ZFHX3: variants seen among roughly 807,000 people sequenced by gnomAD.
ZFHX3 encodes the protein zinc finger homeobox 3.
Under a neutral mutation model 279.1 loss-of-function variants are expected in ZFHX3, and 42 were observed. The ratio of observed to expected loss-of-function variants is 0.15; its 90% CI spans 0.12 to 0.19. The LOEUF (loss-of-function observed/expected upper bound fraction) is 0.19. Among genes scored for constraint, ZFHX3 ranks in the 10% least tolerant of loss-of-function variants. ZFHX3 has a pLI of 1.00. For synonymous variants in ZFHX3, 2,293 were observed against 1,957.8 expected (o/e 1.17, Z -4.52); for missense variants, 4,981 against 4,754.0 (o/e 1.05, Z -1.40).
chr16:72,884,879 AT>A (rs2038584239), intron 4 of ZFHX3, among the ~76,000 whole-genome samples: 1 of 152,236 alleles, frequency 6.6e-6, no homozygotes, highest in Non-Finnish European at 1.5e-5. Flanking sequence ...GGCCCAGTGC[AT>A]TGGCCAGTGA....
At chr16:73,014,062 G>C (rs1338633560) in intron 1 of ZFHX3, among the ~76,000 whole-genome samples, 1 of 152,202 alleles carries the variant, frequency 6.6e-6, no homozygotes, top group Non-Finnish European at 1.5e-5. Context: ...GGGCAAAGGA[G>C]AGGACAGAGT....
intron 1 of ZFHX3, among the ~76,000 whole-genome samples, chr16:73,743,512 A>C (rs1220777915): frequency 1.3e-5 from 2 of 152,246 alleles, no homozygotes; most frequent in Non-Finnish European, 2.9e-5. Flanking sequence ...ATATGCTACC[A>C]GATAAGAATT....
chr16:73,384,959 G>A (rs779602891), intron 3 of ZFHX3, among the ~76,000 whole-genome samples: 4 of 152,172 alleles, frequency 2.6e-5, no homozygotes, highest in Non-Finnish European at 5.9e-5. Flanking sequence ...GGGTTCCCAT[G>A]GGACTTTTGC....
At chr16:73,808,519 T>C (rs1046964979) in intron 1 of ZFHX3, 12 of 152,070 alleles carry the variant, frequency 7.9e-5, no homozygotes, top group East Asian at 1.9e-4. Context: ...AGGCAAGAAA[T>C]AGATACCCAG....
intron 2 of ZFHX3, chr16:73,483,569 C>A: frequency 2.9e-6 from 1 of 347,910 alleles, no homozygotes. Context: ...CAGCTGCCTA[C>A]AAGGGCCTAC....
intron 2 of ZFHX3, among the ~76,000 whole-genome samples, chr16:73,642,040 C>T (rs1432375129): frequency 6.6e-6 from 1 of 152,030 alleles, no homozygotes; most frequent in African/African-American, 2.4e-5. Context: ...GGGACGCTTC[C>T]ACCAAATTTG....
intron 8 of ZFHX3, among the ~76,000 whole-genome samples, chr16:73,083,112 A>C (rs539676547): frequency 6.6e-6 from 1 of 151,948 alleles, no homozygotes; most frequent in East Asian, 1.9e-4. Context: ...CTAAGGCAGG[A>C]GGATCACTTG....
intron 2 of ZFHX3, among the ~76,000 whole-genome samples, chr16:73,658,055 A>G (rs1037491657): frequency 1.3e-5 from 2 of 152,256 alleles, no homozygotes; most frequent in African/African-American, 4.8e-5. Flanking sequence ...ATGCTGTGAA[A>G]TAAATTTCTA....
intron 1 of ZFHX3, among the ~76,000 whole-genome samples, chr16:73,715,617 G>A (rs1218067522): frequency 7.3e-6 from 1 of 136,198 alleles, no homozygotes; most frequent in Non-Finnish European, 1.5e-5. Context: ...ATGTTGCCCA[G>A]GCTGGAATGC....
intron 1 of ZFHX3, among the ~76,000 whole-genome samples, chr16:73,823,970 G>A (rs959104480): frequency 6.6e-6 from 1 of 152,134 alleles, no homozygotes; most frequent in Non-Finnish European, 1.5e-5. Context: ...GGCATATTTT[G>A]CTTCACGGAA....
intron 1 of ZFHX3, chr16:73,796,514 T>C (rs1208555631): frequency 4.6e-5 from 7 of 152,194 alleles, no homozygotes; most frequent in African/African-American, 1.7e-4. Context: ...ACATGTCATG[T>C]CAGAAGAGAA....
chr16:73,078,786 A>T (rs892186927), intron 8 of ZFHX3, among the ~76,000 whole-genome samples: 1 of 151,968 alleles, frequency 6.6e-6, no homozygotes, highest in African/African-American at 2.4e-5. Flanking sequence ...CTGGGACTAC[A>T]GGCGTCCGCC....
At chr16:73,489,988 C>A (rs2019032583) in intron 2 of ZFHX3, among the ~76,000 whole-genome samples, 1 of 152,082 alleles carries the variant, frequency 6.6e-6, no homozygotes, top group Non-Finnish European at 1.5e-5. Flanking sequence ...TGAAAAACAT[C>A]AAATCAAGTG....
At chr16:73,622,720 G>A (rs1254583386) in intron 2 of ZFHX3, among the ~76,000 whole-genome samples, 1 of 151,936 alleles carries the variant, frequency 6.6e-6, no homozygotes, top group Non-Finnish European at 1.5e-5. Flanking sequence ...CTCTGGTATC[G>A]CCCCCCCAAC....
chr16:73,372,400 T>A (rs1205357034), intron 3 of ZFHX3, among the ~76,000 whole-genome samples: 2 of 152,190 alleles, frequency 1.3e-5, no homozygotes, highest in Admixed American at 6.5e-5. Context: ...TACTACTAAT[T>A]ACGCAAGTCA....
intron 3 of ZFHX3, among the ~76,000 whole-genome samples, chr16:72,917,828 T>C (rs951097389): frequency 1.3e-5 from 2 of 152,202 alleles, no homozygotes; most frequent in Admixed American, 1.3e-4. Flanking sequence ...TGAAGCACTT[T>C]TGAACTCAAA....
At chr16:73,129,879 C>T (rs1181063571) in intron 7 of ZFHX3, among the ~76,000 whole-genome samples, 1 of 151,970 alleles carries the variant, frequency 6.6e-6, no homozygotes, top group Non-Finnish European at 1.5e-5. Flanking sequence ...TTTAGGTAGT[C>T]GACTTAATAT....
Position 72,959,263 on chromosome 16 carries a change from G to C in ZFHX3, c.883C>G (p.Arg295Gly), listed in dbSNP as rs778603718. 2 of 1,614,210 alleles carry C rather than the reference G, an allele frequency of 1.2e-6. No individual in the cohort carries two copies. Among genetic ancestry groups the C allele is most frequent in the Non-Finnish European group, 1.7e-6 (2 of 1,180,036 alleles). Residue 295 changes from arginine (R) to glycine (G), a missense_variant, in exon 2 of 10, where the codon CGT becomes GGT. Physicochemically the swap from Arg to Gly is moderately radical, Grantham distance 125. Transcript: ENST00000268489. Reference protein sequence around the residue: ...FLCKLSFGYVRSFVTHAVHDH... With the variant: ...FLCKLSFGYVGSFVTHAVHDH... ...TGCACCGCGTGGGTCACAAACGAAC[G>C]GACGTACCCAAAGGAGAGTTTGCAC...
At position 72,786,933 on chromosome 16, in the gene ZFHX3, GCTT is replaced by G. The variant is rs1004915985; in HGVS notation, c.*228_*230del. On this transcript the variant is annotated 3_prime_UTR_variant, in exon 10 of 10. Transcript: ENST00000268489. ...AAGGACACAATGTAACAGGGTTAGG[GCTT>G]TTTTTTTTTTTTTAATATTAAAAGA... 86 of 304,438 alleles carry G rather than the reference GCTT, an allele frequency of 2.8e-4. No homozygotes were observed. The highest frequency in any genetic ancestry group is 1.8e-3 in the African/African-American group (81 of 44,194). The allele number at this position is 304,438 out of a possible 1,614,324, so 18.9% of individuals were successfully genotyped here.
Sources: gnomAD v4.1 joint callset for allele counts (sites outside exome capture counted in the v4.1 genomes callset) on GRCh38, gnomAD v4.1.1 for gene constraint, MANE v1.5 for transcripts, NCBI Gene and HGNC (gene_info 2026-07-23, HGNC 2026-07-21) for gene names.